Variants in NFIB observed in about 807,000 individuals in gnomAD.
NFIB encodes nuclear factor I B.
Under a neutral mutation model 61.5 loss-of-function variants are expected in NFIB, and 11 were observed. The observed-to-expected ratio is 0.18, with a 90% CI of 0.11 to 0.30. The LOEUF (loss-of-function observed/expected upper bound fraction) is 0.30. NFIB is among the 10% of genes least tolerant of loss of function. The pLI is 1.00. For missense variants in NFIB, 471 were observed against 608.9 expected, an observed-to-expected ratio of 0.77 and a Z score of 2.38; for synonymous variants, 260 against 216.5, an observed-to-expected ratio of 1.20 and a Z score of -1.76.
rs373973748 is a variant in NFIB, at chr9:14,349,969, T to A, written c.109-42449A>T. ...GTGTGCCCCTTTCTATACCCACTCA[T>A]CTGGGCTTTGGATTGCCCATGATCT... On this transcript the variant is annotated intron_variant, in intron 1 of 8. Coordinates refer to the NFIB transcript ENST00000380934. 4.6e-5 allele frequency among the ~76,000 whole-genome samples: 7 copies of A among 152,292 alleles called. No individual in the cohort carries two copies. The South Asian group carries it at 1.5e-3, about 32-fold the overall frequency.
the NFIB span, among the ~76,000 whole-genome samples, chr9:14,418,210 AC>A: frequency 6.6e-6 from 1 of 152,126 alleles, no homozygotes; most frequent in South Asian, 2.1e-4. Context: ...TCGTCCCTGC[AC>A]CCCCACCCTC....
chr9:14,185,559 T>C (rs1234903905), intron 2 of NFIB, among the ~76,000 whole-genome samples: 1 of 152,110 alleles, frequency 6.6e-6, no homozygotes, highest in African/African-American at 2.4e-5. Context: ...TCCTCAACAA[T>C]ATGACACGAA....
chr9:14,141,902 C>CAAAAAAAAAAAAAAAAAAA (rs1207435536), intron 6 of NFIB, among the ~76,000 whole-genome samples: 7 of 53,584 alleles, frequency 1.3e-4, no homozygotes, highest in African/African-American at 4.3e-4. Context: ...CTGCTGCTCA[C>CAAAAAAAAAAAAAAAAAAA]AAAAAAAAAA....
chr9:14,127,420 G>A (rs1040476884), intron 6 of NFIB, among the ~76,000 whole-genome samples: 1 of 152,056 alleles, frequency 6.6e-6, no homozygotes. Context: ...ACCCAACTTC[G>A]GCAATGATCA....
At chr9:14,292,523 C>T (rs1220512996) in intron 2 of NFIB, among the ~76,000 whole-genome samples, 1 of 152,172 alleles carries the variant, frequency 6.6e-6, no homozygotes, top group Non-Finnish European at 1.5e-5. Context: ...CTGCTCTCTG[C>T]CAAGATAACC....
the NFIB span, among the ~76,000 whole-genome samples, chr9:14,462,010 C>A: frequency 6.6e-6 from 1 of 152,172 alleles, no homozygotes; most frequent in African/African-American, 2.4e-5. Context: ...ACACCAAAGG[C>A]AGAGAAGACT....
chr9:14,465,233 C>G, the NFIB span, among the ~76,000 whole-genome samples: 10,223 of 152,172 alleles, frequency 0.067, 388 homozygotes, highest in Middle Eastern at 0.12. Flanking sequence ...TAAATGGAAG[C>G]ATTATCTCTG....
intron 3 of NFIB, among the ~76,000 whole-genome samples, chr9:14,177,028 T>C (rs1008238685): frequency 1.1e-4 from 16 of 152,210 alleles, no homozygotes; most frequent in South Asian, 2.1e-4. Flanking sequence ...CTACCAGTGA[T>C]AAGAAAGTGT....
chr9:14,167,087 G>T (rs912665691), intron 3 of NFIB, among the ~76,000 whole-genome samples: 33 of 150,380 alleles, frequency 2.2e-4, no homozygotes, highest in Non-Finnish European at 4.4e-4. Context: ...GTGTGTCGGG[G>T]GGGGGGGGTT....
chr9:14,331,213 G>C (rs375249898), intron 1 of NFIB, among the ~76,000 whole-genome samples: 2 of 152,066 alleles, frequency 1.3e-5, no homozygotes, highest in Admixed American at 1.3e-4. Context: ...TTTTAAAGAC[G>C]AGGCACTGGA....
chr9:14,127,202 T>C (rs1229463538), intron 6 of NFIB, among the ~76,000 whole-genome samples: 4 of 152,254 alleles, frequency 2.6e-5, no homozygotes, highest in Admixed American at 2.6e-4. Context: ...ACTAAGAGAC[T>C]ATACCATGCA....
the NFIB span, among the ~76,000 whole-genome samples, chr9:14,491,767 A>G: frequency 6.6e-6 from 1 of 152,310 alleles, no homozygotes; most frequent in South Asian, 2.1e-4. Flanking sequence ...CTTAAAATCC[A>G]AAATAACGAT....
intron 10 of NFIB, among the ~76,000 whole-genome samples, chr9:14,100,469 G>A (rs959553679): frequency 9.2e-5 from 14 of 152,202 alleles, no homozygotes; most frequent in African/African-American, 3.4e-4. Flanking sequence ...AGCACTTTGG[G>A]AGGCCGAGGC....
intron 3 of NFIB, among the ~76,000 whole-genome samples, chr9:14,160,511 T>C (rs2044035403): frequency 6.6e-6 from 1 of 152,214 alleles, no homozygotes; most frequent in African/African-American, 2.4e-5. Flanking sequence ...ACTATTAATG[T>C]AGATGGTGGA....
the NFIB span, among the ~76,000 whole-genome samples, chr9:14,420,375 G>A: frequency 6.8e-6 from 1 of 146,850 alleles, no homozygotes; most frequent in East Asian, 2.0e-4. Flanking sequence ...GAACCCGGGA[G>A]GTGGAGGTTC....
intron 2 of NFIB, among the ~76,000 whole-genome samples, chr9:14,236,223 G>A (rs2053729854): frequency 6.6e-6 from 1 of 152,134 alleles, no homozygotes; most frequent in South Asian, 2.1e-4. Context: ...TCTCTATAAT[G>A]TTGATTATGG....
chr9:14,474,993 T>A, the NFIB span, among the ~76,000 whole-genome samples: 1 of 152,194 alleles, frequency 6.6e-6, no homozygotes, highest in Non-Finnish European at 1.5e-5. Flanking sequence ...GTGAGGGTGA[T>A]CTTCTTTACT....
At chr9:14,188,466 A>G (rs1055452177) in intron 2 of NFIB, among the ~76,000 whole-genome samples, 10 of 152,224 alleles carry the variant, frequency 6.6e-5, no homozygotes, top group African/African-American at 2.2e-4. Context: ...TAGCTCTCGC[A>G]CTAGAGAGAA....
chr9:14,248,913 G>A (rs1411410732), intron 2 of NFIB, among the ~76,000 whole-genome samples: 3 of 152,206 alleles, frequency 2.0e-5, no homozygotes, highest in Admixed American at 6.5e-5. Context: ...GGCATAGGAA[G>A]AGAATCAGAG....
Sources: allele counts gnomAD v4.1 joint callset (sites outside exome capture counted in the v4.1 genomes callset), GRCh38; gene constraint gnomAD v4.1.1; transcripts MANE v1.5; gene names NCBI Gene and HGNC (gene_info 2026-07-23, HGNC 2026-07-21).